ADORA2B: variants seen among roughly 807,000 people sequenced by gnomAD.
ADORA2B encodes adenosine receptor A2b.
ADORA2B carries 18 observed loss-of-function variants against 20.8 expected under a neutral mutation model. That is an observed-to-expected ratio of 0.87 (90% CI 0.60 to 1.29). The LOEUF is 1.29. ADORA2B is among the 50% of genes most tolerant of loss of function. The pLI is 0.00. For missense variants in ADORA2B, 441 were observed against 422.7 expected (o/e 1.04, Z -0.38); for synonymous variants, 179 against 178.3 (o/e 1.00, Z -0.03).
the ADORA2B span, among the ~76,000 whole-genome samples, chr17:15,939,639 C>T: frequency 6.6e-6 from 1 of 151,924 alleles, no homozygotes; most frequent in Non-Finnish European, 1.5e-5. Context: ...GCGGGCAGAT[C>T]ATGAGGTCAG....
At chr17:15,875,040 TC>T in the ADORA2B span, among the ~76,000 whole-genome samples, 2 of 152,134 alleles carry the variant, frequency 1.3e-5, no homozygotes, top group Non-Finnish European at 1.5e-5. Flanking sequence ...GTCATTTACA[TC>T]TTTCTTCTGT....
the ADORA2B span, among the ~76,000 whole-genome samples, chr17:15,896,856 C>G: frequency 6.6e-6 from 1 of 152,192 alleles, no homozygotes; most frequent in Non-Finnish European, 1.5e-5. Context: ...AAAAGGCTCC[C>G]CAGGTTCCTC....
chr17:15,926,509 C>T, the ADORA2B span, among the ~76,000 whole-genome samples: 4 of 151,574 alleles, frequency 2.6e-5, no homozygotes, highest in Admixed American at 2.0e-4. Context: ...TGGGTGGGCA[C>T]AGTATGTCCA....
At chr17:15,911,087 A>G in the ADORA2B span, among the ~76,000 whole-genome samples, 2 of 152,180 alleles carry the variant, frequency 1.3e-5, no homozygotes, top group Non-Finnish European at 2.9e-5. Context: ...TGGGGCAGGG[A>G]TCTCCCTGGT....
the ADORA2B span, among the ~76,000 whole-genome samples, chr17:15,906,992 GAAA>G: frequency 4.6e-5 from 7 of 152,168 alleles, no homozygotes; most frequent in East Asian, 1.2e-3. Flanking sequence ...TCATACAGAG[GAAA>G]GCTTGCCATC....
chr17:15,867,515 CTCTG>C, the ADORA2B span, among the ~76,000 whole-genome samples: 2 of 149,494 alleles, frequency 1.3e-5, no homozygotes, highest in Admixed American at 6.6e-5. Flanking sequence ...CCGGCGGCCA[CTCTG>C]TCTGGGAAGT....
chr17:15,959,339 C>T (rs1312287092), intron 1 of ADORA2B, among the ~76,000 whole-genome samples: 1 of 152,144 alleles, frequency 6.6e-6, no homozygotes, highest in Non-Finnish European at 1.5e-5. Context: ...AATAATGAGT[C>T]ATTCTGAAAC....
At chr17:15,863,232 A>C in the ADORA2B span, among the ~76,000 whole-genome samples, 1 of 152,200 alleles carries the variant, frequency 6.6e-6, no homozygotes, top group African/African-American at 2.4e-5. Flanking sequence ...TTTCATAGTG[A>C]AAAGTTAAAT....
At chr17:15,888,066 A>G in the ADORA2B span, among the ~76,000 whole-genome samples, 1 of 126,696 alleles carries the variant, frequency 7.9e-6, no homozygotes, top group Non-Finnish European at 1.7e-5. Context: ...AATAATATGA[A>G]CAGAATCAGA....
intron 1 of ADORA2B, among the ~76,000 whole-genome samples, chr17:15,954,638 G>C (rs1022131077): frequency 6.6e-6 from 1 of 152,096 alleles, no homozygotes; most frequent in Non-Finnish European, 1.5e-5. Context: ...GCAATGGCTC[G>C]CACCTGTAAT....
the ADORA2B span, among the ~76,000 whole-genome samples, chr17:15,861,290 A>G: frequency 6.6e-6 from 1 of 152,164 alleles, no homozygotes; most frequent in Non-Finnish European, 1.5e-5. Context: ...AGTTCAGGGA[A>G]TGGGGTGGTA....
Position 15,975,710 on chromosome 17 carries a change from C to T in ADORA2B, c.*368C>T, listed in dbSNP as rs1955024905. On this transcript the variant is annotated 3_prime_UTR_variant, in exon 2 of 2. Coordinates refer to ENST00000304222, the MANE Select transcript of ADORA2B (RefSeq NM_000676.4). Reference sequence around the variant, plus strand: ...ATGCAAATACTTTTTAACTTAGAGGCAATGGAAAAATAAAAGTTGACTGTA... The same window carrying T: ...ATGCAAATACTTTTTAACTTAGAGGTAATGGAAAAATAAAAGTTGACTGTA... 5.7e-6 allele frequency: 1 copy of T among 175,890 alleles called. No homozygotes were observed. The highest frequency in any genetic ancestry group is 1.2e-5 in the Non-Finnish European group (1 of 83,500). The allele number at this position is 175,890 out of a possible 1,614,324, so 10.9% of individuals were successfully genotyped here. A position where few individuals can be genotyped will look rare whatever the true frequency, so the allele number is the denominator to read the frequency against.
At chr17:15,860,436 G>T in the ADORA2B span, among the ~76,000 whole-genome samples, 8 of 148,180 alleles carry the variant, frequency 5.4e-5, no homozygotes, top group Admixed American at 4.0e-4. Flanking sequence ...CTGTGACCTG[G>T]TCATCACATT....
the ADORA2B span, among the ~76,000 whole-genome samples, chr17:15,923,664 C>T: frequency 1.3e-5 from 2 of 152,042 alleles, no homozygotes. Flanking sequence ...CTTCGGCCTC[C>T]CAAAGTGCTG....
At chr17:15,857,371 G>T in the ADORA2B span, among the ~76,000 whole-genome samples, 1 of 152,212 alleles carries the variant, frequency 6.6e-6, no homozygotes, top group East Asian at 1.9e-4. Flanking sequence ...TGAGGTTGGT[G>T]CCCCCACACA....
At chr17:15,859,302 C>G in the ADORA2B span, among the ~76,000 whole-genome samples, 1 of 151,624 alleles carries the variant, frequency 6.6e-6, no homozygotes, top group Non-Finnish European at 1.5e-5. Context: ...CCAGCAATCC[C>G]CAGAAGTTGC....
the ADORA2B span, among the ~76,000 whole-genome samples, chr17:15,925,795 C>G: frequency 6.6e-6 from 1 of 152,122 alleles, no homozygotes; most frequent in African/African-American, 2.4e-5. Context: ...TGGTGAAACC[C>G]TGTCTCTACT....
At chr17:15,864,399 C>T in the ADORA2B span, among the ~76,000 whole-genome samples, 1 of 152,052 alleles carries the variant, frequency 6.6e-6, no homozygotes, top group Non-Finnish European at 1.5e-5. Flanking sequence ...CAAAGTGTTA[C>T]CGATCATGGG....
chr17:15,950,579 C>A (rs1336903707), intron 1 of ADORA2B, among the ~76,000 whole-genome samples: 1 of 152,160 alleles, frequency 6.6e-6, no homozygotes, highest in Non-Finnish European at 1.5e-5. Flanking sequence ...TGAACATGTT[C>A]TCTCAGCAGC....
Sources: gnomAD v4.1 joint callset for allele counts (sites outside exome capture counted in the v4.1 genomes callset) on GRCh38, gnomAD v4.1.1 for gene constraint, MANE v1.5 for transcripts, NCBI Gene and HGNC (gene_info 2026-07-23, HGNC 2026-07-21) for gene names.